The following PLEKHA5 variants were observed in gnomAD, a reference collection of about 807,000 sequenced individuals.
PLEKHA5 encodes pleckstrin homology domain containing A5.
A neutral mutation model predicts 181.9 loss-of-function variants in PLEKHA5; 55 were observed. The observed-to-expected ratio is 0.30, with a 90% CI of 0.24 to 0.38. PLEKHA5 has a LOEUF of 0.38. PLEKHA5 is among the 10% of genes least tolerant of loss of function. The probability of loss-of-function intolerance (pLI) is 1.00; values close to 1 mark genes in which losing one functional copy is unlikely to be tolerated. For synonymous variants in PLEKHA5, 535 were observed against 529.4 expected (o/e 1.01, Z -0.15); for missense variants, 1,432 against 1,549.5 (o/e 0.92, Z 1.27).
At chr12:19,354,637 C>T (rs989338876) in intron 26 of PLEKHA5, among the ~76,000 whole-genome samples, 9 of 151,356 alleles carry the variant, frequency 5.9e-5, no homozygotes, top group East Asian at 2.0e-4. Context: ...CCCACCACCA[C>T]GCCTGGCTAA....
intron 6 of PLEKHA5, among the ~76,000 whole-genome samples, chr12:19,257,928 T>C (rs2067288379): frequency 6.6e-6 from 1 of 152,016 alleles, no homozygotes; most frequent in African/African-American, 2.4e-5. Flanking sequence ...GTTAGAGAAA[T>C]ATACAGTTGT....
At chr12:19,355,451 A>G (rs2094874985) in intron 26 of PLEKHA5, among the ~76,000 whole-genome samples, 1 of 149,830 alleles carries the variant, frequency 6.7e-6, no homozygotes, top group East Asian at 2.0e-4. Context: ...TCGTGGACTC[A>G]AGGGATCCTC....
At chr12:19,200,299 AT>A (rs537407812) in intron 3 of PLEKHA5, 18 of 1,506,306 alleles carry the variant, frequency 1.2e-5, no homozygotes, top group South Asian at 3.6e-5. Flanking sequence ...CATTAAAACA[AT>A]TTTTTTTATC....
chr12:19,182,949 A>T (rs1284099436), intron 3 of PLEKHA5, among the ~76,000 whole-genome samples: 7 of 152,218 alleles, frequency 4.6e-5, no homozygotes. Context: ...CCACAAAACA[A>T]AGCTGTTGTC....
intron 3 of PLEKHA5, among the ~76,000 whole-genome samples, chr12:19,183,509 A>C (rs1000898447): frequency 1.3e-5 from 2 of 152,182 alleles, no homozygotes; most frequent in Non-Finnish European, 2.9e-5. Flanking sequence ...ACAGAAACCG[A>C]TAATAATGAA....
At chr12:19,160,783 G>T (rs776261648) in intron 3 of PLEKHA5, among the ~76,000 whole-genome samples, 1 of 151,960 alleles carries the variant, frequency 6.6e-6, no homozygotes, top group African/African-American at 2.4e-5. Flanking sequence ...ACAGTGCTGG[G>T]TCAATGTATG....
intron 21 of PLEKHA5, among the ~76,000 whole-genome samples, chr12:19,337,024 G>A (rs989467719): frequency 1.6e-5 from 1 of 63,272 alleles, no homozygotes; most frequent in Non-Finnish European, 2.8e-5. Context: ...TTTTGCTCTT[G>A]TTGCCCAGGC....
chr12:19,155,011 T>C (rs966395350), intron 3 of PLEKHA5, among the ~76,000 whole-genome samples: 3 of 151,874 alleles, frequency 2.0e-5, no homozygotes, highest in Admixed American at 1.3e-4. Context: ...AGAAAGAAAA[T>C]GAGGAAAGGG....
intron 3 of PLEKHA5, among the ~76,000 whole-genome samples, chr12:19,212,305 C>T (rs1342230394): frequency 1.3e-5 from 2 of 152,048 alleles, no homozygotes; most frequent in African/African-American, 4.8e-5. Context: ...AAACATGGGG[C>T]AGCTATCAAC....
chr12:19,280,500 C>G (rs561727954), intron 11 of PLEKHA5, among the ~76,000 whole-genome samples: 2 of 152,154 alleles, frequency 1.3e-5, no homozygotes, highest in African/African-American at 2.4e-5. Flanking sequence ...CCTTCGGGTC[C>G]ATGTAATTAC....
At chr12:19,369,002 TGTAAA>T (rs745418458) in intron 30 of PLEKHA5, among the ~76,000 whole-genome samples, 136 of 151,332 alleles carry the variant, frequency 9.0e-4, no homozygotes, top group East Asian at 2.1e-3. Context: ...AAAAAAAAAA[TGTAAA>T]GTATTTTTTT....
intron 3 of PLEKHA5, among the ~76,000 whole-genome samples, chr12:19,180,537 A>G (rs2048304685): frequency 6.6e-6 from 1 of 152,116 alleles, no homozygotes; most frequent in Non-Finnish European, 1.5e-5. Flanking sequence ...GATTAATGGT[A>G]TTTAAAAGGC....
At chr12:19,352,578 T>C (rs1054099536) in intron 25 of PLEKHA5, among the ~76,000 whole-genome samples, 2 of 13,644 alleles carry the variant, frequency 1.5e-4, no homozygotes, top group Non-Finnish European at 6.0e-4. Context: ...CAAAGAAGGC[T>C]TTTTTTTTTT....
chr12:19,202,017 C>A, intron 3 of PLEKHA5: 1 of 973,100 alleles, frequency 1.0e-6, no homozygotes, highest in Non-Finnish European at 1.2e-6. Flanking sequence ...GCCTTGGGTT[C>A]ATTACTTTTT....
intron 3 of PLEKHA5, among the ~76,000 whole-genome samples, chr12:19,189,530 C>CAG (rs1555098594): frequency 1.3e-5 from 2 of 151,774 alleles, no homozygotes; most frequent in Admixed American, 1.3e-4. Context: ...GGGGAAAGGG[C>CAG]AGGGGGTCAG....
intron 15 of PLEKHA5, among the ~76,000 whole-genome samples, chr12:19,298,967 G>A (rs1045626214): frequency 1.3e-5 from 2 of 152,194 alleles, no homozygotes; most frequent in African/African-American, 2.4e-5. Context: ...CTATGGCTGG[G>A]ACAGCCTGAC....
chr12:19,164,477 G>A (rs1176005344), intron 3 of PLEKHA5, among the ~76,000 whole-genome samples: 1 of 152,184 alleles, frequency 6.6e-6, no homozygotes, highest in Non-Finnish European at 1.5e-5. Flanking sequence ...TTACAGGCGT[G>A]AGCCACTGCT....
intron 3 of PLEKHA5, among the ~76,000 whole-genome samples, chr12:19,147,736 T>C (rs1404902043): frequency 6.6e-6 from 1 of 151,950 alleles, no homozygotes; most frequent in Non-Finnish European, 1.5e-5. Context: ...AGGTTTGAAA[T>C]ATTGTATTTT....
intron 20 of PLEKHA5, among the ~76,000 whole-genome samples, chr12:19,333,947 A>G (rs186963580): frequency 2.3e-4 from 35 of 152,140 alleles, no homozygotes; most frequent in African/African-American, 7.0e-4. Flanking sequence ...GGCATTCTCT[A>G]CTTTTTATTG....
Sources: gnomAD v4.1 joint callset for allele counts (sites outside exome capture counted in the v4.1 genomes callset) on GRCh38, gnomAD v4.1.1 for gene constraint, MANE v1.5 for transcripts, NCBI Gene and HGNC (gene_info 2026-07-23, HGNC 2026-07-21) for gene names.